The following ZMAT4 variants were observed in gnomAD, a reference collection of about 807,000 sequenced individuals.
The protein encoded by ZMAT4 is zinc finger matrin-type 4.
ZMAT4 carries 17 observed loss-of-function variants against 28.7 expected under a neutral mutation model. The ratio of observed to expected loss-of-function variants is 0.59; its 90% confidence interval spans 0.41 to 0.89. The LOEUF is 0.89. Among genes scored for constraint, ZMAT4 ranks in the 40% least tolerant of loss-of-function variants. The pLI is 0.00. For synonymous variants in ZMAT4, 117 were observed against 109.2 expected (o/e 1.07, Z -0.44); for missense variants, 240 against 283.8 (o/e 0.85, Z 1.11).
At chr8:40,802,516 G>A (rs1184987971) in intron 2 of ZMAT4, among the ~76,000 whole-genome samples, 1 of 151,856 alleles carries the variant, frequency 6.6e-6, no homozygotes, top group Non-Finnish European at 1.5e-5. Context: ...ATATGTATAA[G>A]ATCTATATAA....
chr8:40,761,668 G>A (rs898638854), intron 3 of ZMAT4, among the ~76,000 whole-genome samples: 1 of 152,072 alleles, frequency 6.6e-6, no homozygotes, highest in Non-Finnish European at 1.5e-5. Flanking sequence ...GTCCTTTACA[G>A]CATGCGGCTC....
chr8:40,656,337 T>C (rs1807922506), intron 5 of ZMAT4, among the ~76,000 whole-genome samples: 2 of 152,158 alleles, frequency 1.3e-5, no homozygotes, highest in South Asian at 4.1e-4. Context: ...ACTTATACAT[T>C]GCTGGTGGGA....
At chr8:40,536,373 G>C (rs1047630159) in intron 6 of ZMAT4, among the ~76,000 whole-genome samples, 7 of 152,116 alleles carry the variant, frequency 4.6e-5, no homozygotes, top group African/African-American at 1.7e-4. Context: ...TTCTATCTGG[G>C]ATGTTTGCAG....
At chr8:40,826,000 T>C (rs1319673610) in intron 1 of ZMAT4, among the ~76,000 whole-genome samples, 1 of 152,222 alleles carries the variant, frequency 6.6e-6, no homozygotes, top group Non-Finnish European at 1.5e-5. Context: ...GGCTCACGCC[T>C]GTAGTCCCAG....
chr8:40,599,940 C>T (rs1012156514), intron 5 of ZMAT4, among the ~76,000 whole-genome samples: 1 of 152,196 alleles, frequency 6.6e-6, no homozygotes, highest in Non-Finnish European at 1.5e-5. Flanking sequence ...CTCCTTTCAT[C>T]AAGCAGAGTG....
At chr8:40,575,266 G>A (rs1340998531) in intron 6 of ZMAT4, among the ~76,000 whole-genome samples, 1 of 152,172 alleles carries the variant, frequency 6.6e-6, no homozygotes, top group Non-Finnish European at 1.5e-5. Context: ...GAATTGCTGA[G>A]CCACTGTATG....
At chr8:40,566,095 C>G (rs1467502308) in intron 6 of ZMAT4, among the ~76,000 whole-genome samples, 1 of 152,110 alleles carries the variant, frequency 6.6e-6, no homozygotes, top group Non-Finnish European at 1.5e-5. Context: ...GTGGGTGGGT[C>G]ACTTAATAAA....
intron 1 of ZMAT4, among the ~76,000 whole-genome samples, chr8:40,871,243 G>T (rs1817844222): frequency 6.6e-6 from 1 of 152,056 alleles, no homozygotes; most frequent in Non-Finnish European, 1.5e-5. Flanking sequence ...AAATAAAGAG[G>T]CCCAAGAAGA....
intron 5 of ZMAT4, among the ~76,000 whole-genome samples, chr8:40,617,821 C>A (rs1444244843): frequency 4.6e-5 from 7 of 152,158 alleles, no homozygotes; most frequent in Admixed American, 4.6e-4. Context: ...ACTGTGCCCA[C>A]AGAAACAAAC....
chr8:40,590,489 G>A (rs554555242), intron 5 of ZMAT4, among the ~76,000 whole-genome samples: 12 of 151,962 alleles, frequency 7.9e-5, no homozygotes, highest in Admixed American at 3.9e-4. Flanking sequence ...AAAATCAAAC[G>A]GCTCTTTTAC....
At chr8:40,835,877 G>A (rs968468360) in intron 1 of ZMAT4, among the ~76,000 whole-genome samples, 5 of 152,160 alleles carry the variant, frequency 3.3e-5, no homozygotes, top group African/African-American at 9.7e-5. Flanking sequence ...CTTCTCCAAG[G>A]AATTCTAACT....
chr8:40,843,348 A>G (rs1365584985), intron 1 of ZMAT4, among the ~76,000 whole-genome samples: 1 of 152,158 alleles, frequency 6.6e-6, no homozygotes, highest in Non-Finnish European at 1.5e-5. Context: ...ACAACTGACC[A>G]AGAGCTGGCT....
chr8:40,777,276 A>G (rs1208494251), intron 2 of ZMAT4, among the ~76,000 whole-genome samples: 2 of 152,234 alleles, frequency 1.3e-5, no homozygotes, highest in African/African-American at 4.8e-5. Flanking sequence ...TGTTTTGGGA[A>G]GGTTGCCGTG....
intron 3 of ZMAT4, among the ~76,000 whole-genome samples, chr8:40,707,719 T>A (rs1810424325): frequency 6.6e-6 from 1 of 152,218 alleles, no homozygotes. Flanking sequence ...AGATACATAT[T>A]ATCTCATTTC....
At chr8:40,607,258 G>A (rs1381080941) in intron 5 of ZMAT4, among the ~76,000 whole-genome samples, 1 of 151,514 alleles carries the variant, frequency 6.6e-6, no homozygotes, top group East Asian at 2.0e-4. Flanking sequence ...CTGAGTAGCT[G>A]GGACTACAGG....
chr8:40,661,006 T>C (rs746809163), intron 5 of ZMAT4, among the ~76,000 whole-genome samples: 1 of 152,236 alleles, frequency 6.6e-6, no homozygotes, highest in African/African-American at 2.4e-5. Context: ...CCAGGGTTTA[T>C]CACATGCCTG....
intron 5 of ZMAT4, among the ~76,000 whole-genome samples, chr8:40,633,851 A>C (rs1806688974): frequency 6.6e-6 from 1 of 152,228 alleles, no homozygotes; most frequent in African/African-American, 2.4e-5. Flanking sequence ...ACGTGAGTCC[A>C]TGTAAGCCAG....
Position 40,825,597 on chromosome 8 carries a change from G to T in ZMAT4, c.80C>A (p.Ser27Ter). ...KVCSAQLISE[S>*]QRVAHYESRK... is the part of the protein sequence containing the mutation. ...TACCTCGTAGTGGGCCACACGCTGC[G>T]ATTCGGAGATCAGCTGTGCACTGCA... Residue 27 changes from serine (S) to a stop codon, truncating the protein, a stop_gained, in exon 2 of 7, where the codon TCG becomes TAG. Transcript: ENST00000297737. LOFTEE classifies it high-confidence loss of function. 1 of 1,553,476 alleles carries T rather than the reference G, an allele frequency of 6.4e-7. No homozygotes were observed.
At chr8:40,892,383 C>T (rs181809203) in intron 1 of ZMAT4, among the ~76,000 whole-genome samples, 33 of 152,252 alleles carry the variant, frequency 2.2e-4, no homozygotes, top group Admixed American at 1.4e-3. Context: ...ACTCAGGAGC[C>T]CCCCCAGGGA....
Sources: allele counts gnomAD v4.1 joint callset (sites outside exome capture counted in the v4.1 genomes callset), GRCh38; gene constraint gnomAD v4.1.1; transcripts MANE v1.5; gene names NCBI Gene and HGNC (gene_info 2026-07-23, HGNC 2026-07-21).